Variants in NAALADL2 observed in about 807,000 individuals in gnomAD.
The protein encoded by NAALADL2 is N-acetylated alpha-linked acidic dipeptidase like 2.
Under a neutral mutation model 87.2 loss-of-function variants are expected in NAALADL2, and 76 were observed. The observed-to-expected ratio is 0.87, with a 90% confidence interval of 0.72 to 1.05. The LOEUF (loss-of-function observed/expected upper bound fraction) is 1.05, where lower values mean the gene tolerates loss of function less well. Ranked by LOEUF, NAALADL2 falls within the 50% of genes least tolerant of loss-of-function variation. NAALADL2 has a pLI of 0.00. For missense variants in NAALADL2, 1,089 were observed against 945.8 expected, an observed-to-expected ratio of 1.15 and a Z score of -1.99; for synonymous variants, 354 against 331.0, an observed-to-expected ratio of 1.07 and a Z score of -0.75.
At chr3:175,061,287 A>G (rs1268580760) in intron 1 of NAALADL2, among the ~76,000 whole-genome samples, 1 of 152,236 alleles carries the variant, frequency 6.6e-6, no homozygotes, top group Non-Finnish European at 1.5e-5. Context: ...TCATAAGTCA[A>G]TAATGATTTT....
intron 11 of NAALADL2, among the ~76,000 whole-genome samples, chr3:175,645,434 C>A (rs766058739): frequency 6.6e-6 from 1 of 152,068 alleles, no homozygotes; most frequent in Admixed American, 6.5e-5. Context: ...TATGCTAAGG[C>A]TTTGAAGGAA....
At chr3:175,137,949 C>T (rs79377880) in intron 2 of NAALADL2, among the ~76,000 whole-genome samples, 4,045 of 152,098 alleles carry the variant, frequency 0.027, 161 homozygotes, top group African/African-American at 0.092. Flanking sequence ...TTTAACTCTC[C>T]TGATAATAAT....
chr3:175,622,409 A>T (rs978094009), intron 10 of NAALADL2, among the ~76,000 whole-genome samples: 1 of 151,966 alleles, frequency 6.6e-6, no homozygotes, highest in African/African-American at 2.4e-5. Flanking sequence ...CTTAAAACGA[A>T]CTCTAGTGTA....
chr3:174,841,323 T>C (rs1472799040), intron 3 of NAALADL2, among the ~76,000 whole-genome samples: 3 of 152,184 alleles, frequency 2.0e-5, no homozygotes, highest in Non-Finnish European at 1.5e-5. Flanking sequence ...GTGAAAAGAA[T>C]AGAATGTTCC....
At chr3:175,674,837 T>C (rs550720079) in intron 11 of NAALADL2, among the ~76,000 whole-genome samples, 5 of 152,350 alleles carry the variant, frequency 3.3e-5, no homozygotes, top group African/African-American at 1.2e-4. Flanking sequence ...TTAAAAACAC[T>C]GTATAGGTAC....
chr3:174,579,330 G>GA (rs1207851674), intron 2 of NAALADL2, among the ~76,000 whole-genome samples: 1 of 151,942 alleles, frequency 6.6e-6, no homozygotes, highest in South Asian at 2.1e-4. Context: ...AGAGGAGAAT[G>GA]GATAAACAAT....
chr3:175,310,459 A>G (rs1445420552), intron 4 of NAALADL2, among the ~76,000 whole-genome samples: 1 of 152,034 alleles, frequency 6.6e-6, no homozygotes, highest in Non-Finnish European at 1.5e-5. Flanking sequence ...AAAATGATGT[A>G]TGTCACTAAA....
At chr3:174,448,119 T>C (rs957354530) in intron 1 of NAALADL2, among the ~76,000 whole-genome samples, 1 of 152,214 alleles carries the variant, frequency 6.6e-6, no homozygotes, top group African/African-American at 2.4e-5. Flanking sequence ...TTCCCTCTTC[T>C]CATTTTTTGC....
intron 3 of NAALADL2, among the ~76,000 whole-genome samples, chr3:174,810,962 C>T (rs1344227768): frequency 6.6e-6 from 1 of 152,188 alleles, no homozygotes; most frequent in Admixed American, 6.5e-5. Context: ...GTAGCTCCAG[C>T]CCAGGTACAG....
intron 2 of NAALADL2, among the ~76,000 whole-genome samples, chr3:175,230,732 A>G (rs1744828633): frequency 6.6e-6 from 1 of 152,130 alleles, no homozygotes; most frequent in Non-Finnish European, 1.5e-5. Context: ...AAAGTATAAT[A>G]TAAAATAAAA....
rs182558673 is a variant in NAALADL2, at chr3:174,941,267, T to C, written c.43+81817T>C. Among the ~76,000 whole-genome samples the C allele has an allele frequency of 5.9e-5, 9 of 152,298 alleles. No homozygotes were observed. In the East Asian group the frequency reaches 1.7e-3, roughly 29 times the overall value. On this transcript the variant is annotated intron_variant, in intron 1 of 13. Coordinates refer to ENST00000454872, the MANE Select transcript of NAALADL2 (RefSeq NM_207015.3). ...CTTAACTTTATTTACCCAAAACTCA[T>C]TCAGGAACATGTTGTTTGATTTTCA...
At chr3:175,725,300 A>G in intron 11 of NAALADL2, among the ~76,000 whole-genome samples, 1 of 152,142 alleles carries the variant, frequency 6.6e-6, no homozygotes, top group East Asian at 1.9e-4. Context: ...TTTAATAAAC[A>G]TAAAATTAAT....
intron 3 of NAALADL2, among the ~76,000 whole-genome samples, chr3:174,790,183 G>A (rs1166735526): frequency 6.6e-6 from 1 of 152,168 alleles, no homozygotes; most frequent in African/African-American, 2.4e-5. Context: ...GGAGGGTGTA[G>A]CCTTGGAAAG....
chr3:174,800,691 C>T (rs1235130292), intron 3 of NAALADL2, among the ~76,000 whole-genome samples: 1 of 152,148 alleles, frequency 6.6e-6, no homozygotes, highest in Non-Finnish European at 1.5e-5. Flanking sequence ...ACATCTTGCA[C>T]TGTGCACCTG....
chr3:175,670,392 A>ATTATATTATAT (rs1733772939), intron 11 of NAALADL2, among the ~76,000 whole-genome samples: 1 of 19,340 alleles, frequency 5.2e-5, no homozygotes, highest in Non-Finnish European at 1.2e-4. Context: ...ATAACATTTA[A>ATTATATTATAT]TTATATTAAA....
At chr3:175,579,278 G>T (rs1056866997) in intron 10 of NAALADL2, among the ~76,000 whole-genome samples, 2 of 151,936 alleles carry the variant, frequency 1.3e-5, no homozygotes, top group Non-Finnish European at 2.9e-5. Context: ...TTCAACAAGT[G>T]AATCATGATA....
At chr3:175,327,717 A>AC (rs1760909209) in intron 5 of NAALADL2, among the ~76,000 whole-genome samples, 1 of 141,066 alleles carries the variant, frequency 7.1e-6, no homozygotes, top group African/African-American at 2.7e-5. Flanking sequence ...AGATAAATAA[A>AC]TGGGGGGAAG....
intron 9 of NAALADL2, among the ~76,000 whole-genome samples, chr3:175,490,922 C>T (rs1043554070): frequency 1.4e-4 from 21 of 151,942 alleles, no homozygotes; most frequent in African/African-American, 3.4e-4. Context: ...ACTTGAGGTA[C>T]GAGATTTTAG....
At chr3:174,720,051 T>C (rs532924) in intron 2 of NAALADL2, among the ~76,000 whole-genome samples, 126,722 of 152,044 alleles carry the variant, frequency 0.83, 53,061 homozygotes, top group Middle Eastern at 0.9. Flanking sequence ...TCACATGCCT[T>C]GGCCTCCTGA....
Sources: gnomAD v4.1 joint callset for allele counts (sites outside exome capture counted in the v4.1 genomes callset) on GRCh38, gnomAD v4.1.1 for gene constraint, MANE v1.5 for transcripts, NCBI Gene and HGNC (gene_info 2026-07-23, HGNC 2026-07-21) for gene names.